Variants in ASIC2 observed in about 807,000 individuals in gnomAD.
The protein encoded by ASIC2 is acid sensing ion channel subunit 2.
Under a neutral mutation model 57.3 loss-of-function variants are expected in ASIC2, and 25 were observed. The observed-to-expected ratio is 0.44, with a 90% CI of 0.32 to 0.61. The LOEUF (loss-of-function observed/expected upper bound fraction) is 0.61. Ranked by LOEUF, ASIC2 falls within the 20% of genes least tolerant of loss-of-function variation. ASIC2 has a pLI of 0.06. For synonymous variants in ASIC2, 319 were observed against 307.5 expected (o/e 1.04, Z -0.39); for missense variants, 641 against 738.1 (o/e 0.87, Z 1.52).
chr17:33,548,796 C>T (rs1337209000), intron 1 of ASIC2, among the ~76,000 whole-genome samples: 2 of 152,164 alleles, frequency 1.3e-5, no homozygotes, highest in Non-Finnish European at 2.9e-5. Context: ...GTCATTACCA[C>T]CACAGGACCT....
intron 7 of ASIC2, among the ~76,000 whole-genome samples, chr17:33,018,105 C>T (rs532002405): frequency 3.3e-4 from 50 of 152,300 alleles, no homozygotes; most frequent in African/African-American, 1.1e-3. Flanking sequence ...AACCCAATCA[C>T]GGCATGGGCT....
At chr17:33,819,766 G>A (rs1912693469) in intron 1 of ASIC2, among the ~76,000 whole-genome samples, 1 of 152,328 alleles carries the variant, frequency 6.6e-6, no homozygotes, top group East Asian at 1.9e-4. Context: ...TCTTGTGCTA[G>A]TTACTTGGCT....
chr17:33,506,865 A>T (rs1157532589), intron 1 of ASIC2, among the ~76,000 whole-genome samples: 1 of 152,228 alleles, frequency 6.6e-6, no homozygotes, highest in Non-Finnish European at 1.5e-5. Flanking sequence ...GCACTTGGTT[A>T]TCGTGGTTGG....
At chr17:34,009,125 T>C (rs1906627584) in intron 1 of ASIC2, among the ~76,000 whole-genome samples, 1 of 152,132 alleles carries the variant, frequency 6.6e-6, no homozygotes, top group African/African-American at 2.4e-5. Flanking sequence ...TTATCATTTC[T>C]CAGAATAACA....
intron 1 of ASIC2, among the ~76,000 whole-genome samples, chr17:33,894,677 T>TA (rs1915048389): frequency 6.6e-6 from 1 of 152,176 alleles, no homozygotes; most frequent in Non-Finnish European, 1.5e-5. Flanking sequence ...GTGGGGTGGA[T>TA]AATCCATTGG....
In ASIC2 at chr17:33,292,921, G is replaced by A. The variant is rs911078075; in HGVS notation, c.-806C>T. 7 of 985,534 alleles carry A rather than the reference G, an allele frequency of 7.1e-6. No individual in the cohort carries two copies. Among genetic ancestry groups the A allele is most frequent in the African/African-American group, 1.7e-5 (1 of 57,380 alleles). The allele number at this position is 985,534 out of a possible 1,614,324, so 61.0% of individuals were successfully genotyped here. ...CAGGGCGTCCTGCGGGAGGCTGTTCGCCGCCGGGGTCCTTCAAGGATGCTA... is the reference window on the plus strand; with the variant it reads ...CAGGGCGTCCTGCGGGAGGCTGTTCACCGCCGGGGTCCTTCAAGGATGCTA... On this transcript the variant is annotated 5_prime_UTR_variant, in exon 1 of 10. Coordinates refer to ENST00000225823, the MANE Select transcript of ASIC2 (RefSeq NM_183377.2).
chr17:33,808,173 G>T (rs1450989020), intron 1 of ASIC2, among the ~76,000 whole-genome samples: 1 of 152,186 alleles, frequency 6.6e-6, no homozygotes, highest in African/African-American at 2.4e-5. Context: ...TTTTAGGCGC[G>T]TGATCCATTT....
At chr17:33,849,251 G>A (rs1913698042) in intron 1 of ASIC2, among the ~76,000 whole-genome samples, 1 of 152,158 alleles carries the variant, frequency 6.6e-6, no homozygotes, top group African/African-American at 2.4e-5. Flanking sequence ...AGCACAGAGG[G>A]CCATGAGAAC....
intron 1 of ASIC2, among the ~76,000 whole-genome samples, chr17:33,805,305 G>T (rs536041500): frequency 1.6e-4 from 25 of 152,270 alleles, no homozygotes; most frequent in Admixed American, 1.4e-3. Flanking sequence ...ATTGACCCAG[G>T]TTCTCAGAAT....
At chr17:33,547,014 A>G (rs1915598231) in intron 1 of ASIC2, among the ~76,000 whole-genome samples, 1 of 152,108 alleles carries the variant, frequency 6.6e-6, no homozygotes, top group Non-Finnish European at 1.5e-5. Context: ...GTGCTTCTCA[A>G]ACTTGAGGGT....
At chr17:33,669,003 G>A (rs1039539958) in intron 1 of ASIC2, among the ~76,000 whole-genome samples, 2 of 152,266 alleles carry the variant, frequency 1.3e-5, no homozygotes, top group African/African-American at 4.8e-5. Context: ...AACAGACGCC[G>A]CCAGGAGGAA....
At chr17:33,269,751 T>TTCCTTCCTTCCTTCTTTCC (rs1904404897) in intron 1 of ASIC2, among the ~76,000 whole-genome samples, 3 of 102,966 alleles carry the variant, frequency 2.9e-5, no homozygotes, top group African/African-American at 1.1e-4. Context: ...TCCTTCCTTC[T>TTCCTTCCTTCCTTCTTTCC]TTCCTTCCTT....
At chr17:34,000,547 C>G (rs942059729) in intron 1 of ASIC2, among the ~76,000 whole-genome samples, 1 of 152,132 alleles carries the variant, frequency 6.6e-6, no homozygotes, top group Admixed American at 6.5e-5. Context: ...GCCACCACAC[C>G]CAGCCAAAGA....
chr17:33,483,010 G>A (rs1255100711), intron 1 of ASIC2, among the ~76,000 whole-genome samples: 1 of 152,212 alleles, frequency 6.6e-6, no homozygotes, highest in African/African-American at 2.4e-5. Flanking sequence ...AGAGATGAAT[G>A]AGGCGGAGAG....
intron 1 of ASIC2, among the ~76,000 whole-genome samples, chr17:33,197,409 C>T (rs1906678676): frequency 6.6e-6 from 1 of 152,226 alleles, no homozygotes; most frequent in Admixed American, 6.5e-5. Flanking sequence ...TTCTCTGATC[C>T]TCTTCCATCT....
chr17:33,176,898 A>G (rs922226941), intron 1 of ASIC2, among the ~76,000 whole-genome samples: 1 of 152,194 alleles, frequency 6.6e-6, no homozygotes, highest in Non-Finnish European at 1.5e-5. Flanking sequence ...AGGCTCTTCC[A>G]GAAGGTACAG....
At chr17:33,473,056 C>A (rs1913106495) in intron 1 of ASIC2, among the ~76,000 whole-genome samples, 1 of 152,210 alleles carries the variant, frequency 6.6e-6, no homozygotes, top group Admixed American at 6.5e-5. Flanking sequence ...TGGCCATAGG[C>A]ATGCAATAAT....
chr17:33,446,822 A>G (rs555063783), intron 1 of ASIC2, among the ~76,000 whole-genome samples: 8 of 152,324 alleles, frequency 5.3e-5, no homozygotes, highest in Non-Finnish European at 1.0e-4. Context: ...ACCTGTGTCA[A>G]TTCTTGGCGC....
intron 1 of ASIC2, among the ~76,000 whole-genome samples, chr17:33,638,009 A>G (rs2142031689): frequency 6.6e-6 from 1 of 152,296 alleles, no homozygotes; most frequent in Admixed American, 6.5e-5. Context: ...GGTGGGGGCC[A>G]CAGGACTGGT....
Sources: allele counts gnomAD v4.1 joint callset (sites outside exome capture counted in the v4.1 genomes callset), GRCh38; gene constraint gnomAD v4.1.1; transcripts MANE v1.5; gene names NCBI Gene and HGNC (gene_info 2026-07-23, HGNC 2026-07-21).